The following OXSR1 variants were observed in gnomAD, a reference collection of about 807,000 sequenced individuals.
OXSR1 encodes the protein serine/threonine-protein kinase OSR1.
Under a neutral mutation model 79.8 loss-of-function variants are expected in OXSR1, and 24 were observed. The observed-to-expected ratio is 0.30, with a 90% CI of 0.22 to 0.42. The LOEUF is 0.42. Among genes scored for constraint, OXSR1 ranks in the 10% least tolerant of loss-of-function variants. The probability of loss-of-function intolerance (pLI) is 1.00; values close to 1 mark genes in which losing one functional copy is unlikely to be tolerated. For missense variants in OXSR1, 430 were observed against 618.4 expected, an observed-to-expected ratio of 0.70 and a Z score of 3.23; for synonymous variants, 226 against 209.2, an observed-to-expected ratio of 1.08 and a Z score of -0.69.
At position 38,252,829 on chromosome 3, in the gene OXSR1, G is replaced by A. The variant is rs191643511; in HGVS notation, c.1522G>A (p.Glu508Lys). ...GTTTGGTTCTTAGGCATCTGGTGTC[G>A]AAGGCTCAGATATTCCTGATGATGG... ...SVTFKLASGV[E>K]GSDIPDDGKL... Residue 508 changes from glutamate (E) to lysine (K), a missense_variant, in exon 18 of 18, where the codon GAA becomes AAA. Physicochemically the swap from Glu to Lys is moderately conservative, Grantham distance 56. Coordinates refer to ENST00000311806, the MANE Select transcript of OXSR1 (RefSeq NM_005109.3). 4.3e-6 allele frequency: 7 copies of A among 1,612,892 alleles called. No homozygotes were observed. The highest frequency in any genetic ancestry group is 1.3e-5 in the African/African-American group (1 of 74,934).
chr3:38,168,421 G>T (rs1701509852), intron 1 of OXSR1, among the ~76,000 whole-genome samples: 1 of 151,792 alleles, frequency 6.6e-6, no homozygotes, highest in African/African-American at 2.4e-5. Context: ...GCCTTTTTTG[G>T]ACATTTATAT....
chr3:38,223,598 G>A (rs111545506), intron 6 of OXSR1, among the ~76,000 whole-genome samples: 232 of 151,406 alleles, frequency 1.5e-3, no homozygotes, highest in African/African-American at 1.9e-3. Context: ...ATGCGCCACC[G>A]TGCCCGGCTA....
chr3:38,218,208 C>G (rs986347622), intron 5 of OXSR1, among the ~76,000 whole-genome samples: 7 of 152,048 alleles, frequency 4.6e-5, no homozygotes, highest in African/African-American at 1.7e-4. Flanking sequence ...TTCATAGCAG[C>G]TGTACCATTT....
intron 1 of OXSR1, among the ~76,000 whole-genome samples, chr3:38,171,556 ATTGT>A (rs1359618295): frequency 1.3e-5 from 2 of 152,082 alleles, no homozygotes; most frequent in Non-Finnish European, 2.9e-5. Flanking sequence ...TATTTATGGG[ATTGT>A]TTCTCACATT....
At chr3:38,187,223 A>T (rs979996926) in intron 2 of OXSR1, among the ~76,000 whole-genome samples, 3 of 152,218 alleles carry the variant, frequency 2.0e-5, no homozygotes, top group Admixed American at 6.5e-5. Context: ...CATATTATAT[A>T]GAATATACTC....
intron 1 of OXSR1, among the ~76,000 whole-genome samples, chr3:38,170,041 T>TTTA (rs200296377): frequency 6.6e-6 from 1 of 151,958 alleles, no homozygotes; most frequent in South Asian, 2.1e-4. Context: ...CTTCTTTAAT[T>TTTA]TTATTATTAT....
At chr3:38,170,191 C>T (rs569819943) in intron 1 of OXSR1, among the ~76,000 whole-genome samples, 8 of 152,016 alleles carry the variant, frequency 5.3e-5, no homozygotes, top group African/African-American at 1.2e-4. Context: ...ATTACACATG[C>T]GTGCCACCAC....
chr3:38,206,958 A>G (rs1181188064), intron 4 of OXSR1, among the ~76,000 whole-genome samples: 3 of 152,198 alleles, frequency 2.0e-5, no homozygotes, highest in African/African-American at 7.2e-5. Flanking sequence ...CTCATAAAGT[A>G]GTTGTGAAGA....
intron 3 of OXSR1, among the ~76,000 whole-genome samples, chr3:38,192,139 A>G (rs903788878): frequency 6.6e-6 from 1 of 152,152 alleles, no homozygotes; most frequent in Non-Finnish European, 1.5e-5. Flanking sequence ...TATAGACCCA[A>G]GGATTTTTAT....
chr3:38,196,952 C>T (rs956619330), intron 3 of OXSR1, among the ~76,000 whole-genome samples: 4 of 152,100 alleles, frequency 2.6e-5, no homozygotes, highest in South Asian at 2.1e-4. Context: ...ACAGTGTTTA[C>T]GATAATTTTA....
In OXSR1 at chr3:38,244,666, T is replaced by TGTGTGTGTGTGTGTGTGTGCGC. The variant is rs748851263; in HGVS notation, c.1111-1408_1111-1407insTGTGTGTGTGTGTGTGTGCGCG. Among the ~76,000 whole-genome samples the TGTGTGTGTGTGTGTGTGTGCGC allele has an allele frequency of 7.3e-3, 1,054 of 144,048 alleles. 6 individuals are homozygous for TGTGTGTGTGTGTGTGTGTGCGC. Among genetic ancestry groups the TGTGTGTGTGTGTGTGTGTGCGC allele is most frequent in the Non-Finnish European group, 0.012 (804 of 66,258 alleles). The allele number at this position is 144,048 out of a possible 152,430, so 94.5% of individuals were successfully genotyped here. On this transcript the variant is annotated intron_variant, in intron 12 of 17. Coordinates refer to ENST00000311806, the MANE Select transcript of OXSR1 (RefSeq NM_005109.3). ...GTGTGTGTGTGTGTGTGTGTGTGTG[T>TGTGTGTGTGTGTGTGTGTGCGC]GCGTGCGCATGTACCACATTTTATT...
chr3:38,223,715 G>T (rs925179044), intron 6 of OXSR1, 97 bp from the exon 7 acceptor site: 1 of 719,328 alleles, frequency 1.4e-6, no homozygotes, highest in Non-Finnish European at 2.3e-6. Context: ...CTCCCAAAGT[G>T]CTGGGATTAC....
intron 5 of OXSR1, among the ~76,000 whole-genome samples, chr3:38,221,210 G>A (rs1346056128): frequency 6.6e-6 from 1 of 151,968 alleles, no homozygotes; most frequent in Non-Finnish European, 1.5e-5. Context: ...TAGAGCAAGG[G>A]GGAAAATCTG....
chr3:38,244,964 C>A (rs1222231624), intron 12 of OXSR1, among the ~76,000 whole-genome samples: 1 of 152,112 alleles, frequency 6.6e-6, no homozygotes, highest in Non-Finnish European at 1.5e-5. Context: ...AAAATATATC[C>A]TTTCCATCTT....
chr3:38,184,770 G>A (rs547571555), intron 2 of OXSR1, among the ~76,000 whole-genome samples: 1 of 152,008 alleles, frequency 6.6e-6, no homozygotes, highest in East Asian at 1.9e-4. Flanking sequence ...CTAGATGAAG[G>A]AAGTAAATCA....
At chr3:38,236,686 T>C (rs1303973061) in intron 10 of OXSR1, 153 bp from the exon 11 acceptor site, 1 of 583,842 alleles carries the variant, frequency 1.7e-6, no homozygotes, top group African/African-American at 1.9e-5. Flanking sequence ...GAGCAGGTGA[T>C]GGTTGGAGGA....
At chr3:38,221,757 C>A in intron 6 of OXSR1, 70 bp downstream of exon 6, 2 of 868,306 alleles carry the variant, frequency 2.3e-6, no homozygotes, top group Non-Finnish European at 3.7e-6. Flanking sequence ...CTTAATAGTG[C>A]TTGCTTTTCT....
intron 6 of OXSR1, among the ~76,000 whole-genome samples, chr3:38,221,972 A>G (rs938778491): frequency 1.3e-5 from 2 of 152,202 alleles, no homozygotes; most frequent in African/African-American, 4.8e-5. Flanking sequence ...TGGTTTAATG[A>G]TTTCTAAATT....
At chr3:38,204,527 C>G (rs1431403927) in intron 4 of OXSR1, among the ~76,000 whole-genome samples, 1 of 151,906 alleles carries the variant, frequency 6.6e-6, no homozygotes, top group Non-Finnish European at 1.5e-5. Flanking sequence ...TATGCAGGGA[C>G]CAAAGGCTCC....
Sources: gnomAD v4.1 joint callset for allele counts (sites outside exome capture counted in the v4.1 genomes callset) on GRCh38, gnomAD v4.1.1 for gene constraint, MANE v1.5 for transcripts, NCBI Gene and HGNC (gene_info 2026-07-23, HGNC 2026-07-21) for gene names.